SLC39A11: variants seen among roughly 807,000 people sequenced by gnomAD.
SLC39A11 encodes the protein zinc transporter ZIP11.
Under a neutral mutation model 36.1 loss-of-function variants are expected in SLC39A11, and 33 were observed. That is an observed-to-expected ratio of 0.91 (90% confidence interval 0.69 to 1.22). The LOEUF (loss-of-function observed/expected upper bound fraction) is 1.22. Among genes scored for constraint, SLC39A11 ranks in the 50% most tolerant of loss-of-function variants. The probability of loss-of-function intolerance (pLI) is 0.00; values close to 1 mark genes in which losing one functional copy is unlikely to be tolerated. For synonymous variants in SLC39A11, 166 were observed against 170.3 expected, an observed-to-expected ratio of 0.97 and a Z score of 0.20; for missense variants, 432 against 430.3, an observed-to-expected ratio of 1.00 and a Z score of -0.03.
chr17:72,703,041 T>C lies in SLC39A11; in HGVS notation c.671+33609A>G, dbSNP rs7221525. 3.1e-3 allele frequency among the ~76,000 whole-genome samples: 472 copies of C among 151,648 alleles called. 3 individuals are homozygous for C. Among genetic ancestry groups the C allele is most frequent in the African/African-American group, 0.01 (433 of 41,350 alleles). On this transcript the variant is annotated intron_variant, in intron 7 of 9. Transcript: ENST00000255559. ...AAGAAGACATAAATGGGCTGCCTGA[T>C]CTCCTAAGCTCCCTTACCGCCCCAT... is the stretch of plus-strand genomic sequence containing the variant.
intron 5 of SLC39A11, among the ~76,000 whole-genome samples, chr17:72,921,038 C>T (rs75184051): frequency 6.6e-6 from 1 of 152,136 alleles, no homozygotes; most frequent in Non-Finnish European, 1.5e-5. Flanking sequence ...ATTTCTTGTT[C>T]TTATTCTTGC....
At chr17:72,897,966 C>A (rs537296421) in intron 5 of SLC39A11, among the ~76,000 whole-genome samples, 1 of 151,944 alleles carries the variant, frequency 6.6e-6, no homozygotes, top group African/African-American at 2.4e-5. Flanking sequence ...GCTGGGGGAA[C>A]AGGATCCACA....
intron 5 of SLC39A11, among the ~76,000 whole-genome samples, chr17:72,906,185 C>A (rs577149188): frequency 6.6e-6 from 1 of 152,318 alleles, no homozygotes; most frequent in East Asian, 1.9e-4. Flanking sequence ...GAGGGCAGAT[C>A]CAAGGAGCTC....
At chr17:73,030,247 G>A (rs1269969672) in intron 4 of SLC39A11, among the ~76,000 whole-genome samples, 2 of 152,226 alleles carry the variant, frequency 1.3e-5, no homozygotes, top group African/African-American at 2.4e-5. Flanking sequence ...ACCAGTAGCG[G>A]TCCTTGGTCT....
intron 3 of SLC39A11, among the ~76,000 whole-genome samples, chr17:73,032,941 G>A (rs968492095): frequency 1.3e-5 from 2 of 152,172 alleles, no homozygotes; most frequent in Admixed American, 6.5e-5. Flanking sequence ...AAGGTAATTT[G>A]CTCATGGTCC....
chr17:72,826,007 T>A (rs1314152925), intron 6 of SLC39A11, among the ~76,000 whole-genome samples: 1 of 152,180 alleles, frequency 6.6e-6, no homozygotes, highest in Non-Finnish European at 1.5e-5. Flanking sequence ...AAGGCATAAT[T>A]GTATTTTAAA....
At chr17:72,960,126 C>A (rs2086513886) in intron 4 of SLC39A11, among the ~76,000 whole-genome samples, 1 of 152,156 alleles carries the variant, frequency 6.6e-6, no homozygotes, top group Admixed American at 6.5e-5. Flanking sequence ...TAATGCAATT[C>A]TATTCTGTAT....
chr17:72,676,895 G>A (rs1233383654), intron 7 of SLC39A11, among the ~76,000 whole-genome samples: 1 of 152,196 alleles, frequency 6.6e-6, no homozygotes, highest in Non-Finnish European at 1.5e-5. Context: ...ACTGTTGGAG[G>A]AGTGAAGCCC....
chr17:72,960,563 A>T (rs751050007), intron 4 of SLC39A11, among the ~76,000 whole-genome samples: 6 of 152,176 alleles, frequency 3.9e-5, no homozygotes, highest in Non-Finnish European at 8.8e-5. Context: ...AGGCTGAGGC[A>T]GGAGAATCCC....
intron 5 of SLC39A11, among the ~76,000 whole-genome samples, chr17:72,885,042 G>A (rs2081379478): frequency 6.6e-6 from 1 of 152,218 alleles, no homozygotes; most frequent in African/African-American, 2.4e-5. Context: ...TTGTGTCTAT[G>A]TTTCTAGAGT....
intron 5 of SLC39A11, among the ~76,000 whole-genome samples, chr17:72,854,290 C>A (rs566287743): frequency 7.2e-6 from 1 of 139,716 alleles, no homozygotes; most frequent in African/African-American, 2.7e-5. Context: ...ACTAGGGCCT[C>A]ATGGTTGACT....
At position 73,041,603 on chromosome 17, in the gene SLC39A11, G is replaced by C. The variant is rs143863162; in HGVS notation, c.148-9889C>G. ...AGAAAAAGTGATAGTTTATGTGCTG[G>C]AATGGGGGCACCCAGCATCTTCCCA... On this transcript the variant is annotated intron_variant, in intron 3 of 9. Transcript: ENST00000255559. Among the ~76,000 whole-genome samples, 456 of 152,352 alleles carry C rather than the reference G, an allele frequency of 3.0e-3. 5 individuals are homozygous for C. The highest frequency in any genetic ancestry group is 0.011 in the African/African-American group (442 of 41,584).
intron 5 of SLC39A11, among the ~76,000 whole-genome samples, chr17:72,918,930 G>T (rs2083480690): frequency 6.6e-6 from 1 of 152,062 alleles, no homozygotes. Context: ...GGGCGTGGTG[G>T]TATGTACCCA....
intron 3 of SLC39A11, among the ~76,000 whole-genome samples, chr17:73,056,805 T>C (rs1475393301): frequency 6.6e-6 from 1 of 152,180 alleles, no homozygotes; most frequent in Non-Finnish European, 1.5e-5. Flanking sequence ...ACAAGAACTA[T>C]GAACCCAGAA....
chr17:72,998,837 G>C (rs1032050140), intron 4 of SLC39A11, among the ~76,000 whole-genome samples: 1 of 152,212 alleles, frequency 6.6e-6, no homozygotes, highest in African/African-American at 2.4e-5. Flanking sequence ...AGACAGCAGA[G>C]GAGTCCCGTT....
intron 5 of SLC39A11, among the ~76,000 whole-genome samples, chr17:72,899,911 G>A (rs1271515687): frequency 6.8e-6 from 1 of 146,532 alleles, no homozygotes; most frequent in Non-Finnish European, 1.5e-5. Context: ...GCAGTGAGCC[G>A]AGATCACACC....
At chr17:72,863,149 C>G (rs978222481) in intron 5 of SLC39A11, among the ~76,000 whole-genome samples, 1 of 152,170 alleles carries the variant, frequency 6.6e-6, no homozygotes, top group African/African-American at 2.4e-5. Context: ...AACTCCTAAG[C>G]TGGGCTCCCA....
intron 4 of SLC39A11, among the ~76,000 whole-genome samples, chr17:72,959,664 A>G (rs1311852298): frequency 6.6e-6 from 1 of 151,998 alleles, no homozygotes; most frequent in East Asian, 1.9e-4. Context: ...AACCACCACT[A>G]AAGAACTTAC....
intron 6 of SLC39A11, among the ~76,000 whole-genome samples, chr17:72,800,467 C>T (rs1295036770): frequency 2.0e-5 from 3 of 151,982 alleles, no homozygotes; most frequent in Non-Finnish European, 4.4e-5. Context: ...CACACCACCA[C>T]GCCCAGCTAA....
Sources: gnomAD v4.1 joint callset for allele counts (sites outside exome capture counted in the v4.1 genomes callset) on GRCh38, gnomAD v4.1.1 for gene constraint, MANE v1.5 for transcripts, NCBI Gene and HGNC (gene_info 2026-07-23, HGNC 2026-07-21) for gene names.